Variants in LEF1 observed in about 807,000 individuals in gnomAD.
LEF1 encodes lymphoid enhancer binding factor 1, also known as lymphoid enhancer-binding factor 1.
In LEF1, 14 loss-of-function variants were observed where a neutral mutation model predicts 51.2. The ratio of observed to expected loss-of-function variants is 0.27; its 90% CI spans 0.18 to 0.43. The LOEUF (loss-of-function observed/expected upper bound fraction) is 0.43, where lower values mean the gene tolerates loss of function less well. Ranked by LOEUF, LEF1 falls within the 20% of genes least tolerant of loss-of-function variation. The probability of loss-of-function intolerance (pLI) is 1.00; values close to 1 mark genes in which losing one functional copy is unlikely to be tolerated. For missense variants in LEF1, 386 were observed against 512.0 expected (o/e 0.75, Z 2.37); for synonymous variants, 185 against 183.2 (o/e 1.01, Z -0.08).
intron 3 of LEF1, among the ~76,000 whole-genome samples, chr4:108,139,223 G>A (rs560449749): frequency 3.9e-5 from 6 of 152,274 alleles, no homozygotes; most frequent in Non-Finnish European, 7.4e-5. Flanking sequence ...CCATTTTTCT[G>A]CTCATTAACT....
chr4:108,068,016 C>T lies in LEF1; in HGVS notation c.1116+2647G>A, dbSNP rs1405880793. On this transcript the variant is annotated intron_variant, in intron 9 of 11. Transcript: ENST00000265165. ...GGCGTGGTGGCTCACGCTTATAATC[C>T]TAGCACTTTGAGAGGCTGAGGCAGG... Among the ~76,000 whole-genome samples the T allele has an allele frequency of 2.6e-5, 4 of 152,010 alleles. No individual in the cohort carries two copies. The East Asian group carries it at 7.7e-4, about 29-fold the overall frequency.
intron 3 of LEF1, among the ~76,000 whole-genome samples, chr4:108,117,279 C>A (rs1003749851): frequency 2.0e-5 from 3 of 152,018 alleles, no homozygotes; most frequent in African/African-American, 7.3e-5. Context: ...ATTTTATAAT[C>A]TAATTTACTC....
intron 8 of LEF1, among the ~76,000 whole-genome samples, chr4:108,075,744 G>A (rs1173338536): frequency 1.3e-5 from 2 of 152,142 alleles, no homozygotes; most frequent in African/African-American, 4.8e-5. Flanking sequence ...CAATCTTAGA[G>A]TGTCTATCCT....
chr4:108,134,212 T>C (rs1743095455), intron 3 of LEF1, among the ~76,000 whole-genome samples: 1 of 152,130 alleles, frequency 6.6e-6, no homozygotes, highest in Non-Finnish European at 1.5e-5. Flanking sequence ...ATTCCAAATT[T>C]ACAAATAAAG....
At chr4:108,061,023 C>A in intron 11 of LEF1, among the ~76,000 whole-genome samples, 1 of 152,142 alleles carries the variant, frequency 6.6e-6, no homozygotes, top group East Asian at 1.9e-4. Context: ...GATCTGAGCT[C>A]CTCTCTACTC....
intron 3 of LEF1, among the ~76,000 whole-genome samples, chr4:108,161,929 C>T (rs1468494702): frequency 6.6e-6 from 1 of 152,012 alleles, no homozygotes; most frequent in Non-Finnish European, 1.5e-5. Context: ...AACATATTCT[C>T]CTTCCCTTCT....
chr4:108,058,461 T>G (rs533191089), intron 11 of LEF1, among the ~76,000 whole-genome samples: 2 of 152,176 alleles, frequency 1.3e-5, no homozygotes, highest in Non-Finnish European at 2.9e-5. Context: ...GTTCAGTATT[T>G]GATAATAATC....
At chr4:108,079,455 C>T in intron 7 of LEF1, 37 bp downstream of exon 7, 1 of 1,611,736 alleles carries the variant, frequency 6.2e-7, no homozygotes. Context: ...CCTCAGTATC[C>T]TAAGGCAATC....
At chr4:108,166,046 T>C (rs569320654) in intron 1 of LEF1, among the ~76,000 whole-genome samples, 2 of 152,248 alleles carry the variant, frequency 1.3e-5, no homozygotes, top group Admixed American at 6.5e-5. Flanking sequence ...GCTCTACAAA[T>C]AGGAGAGTTT....
intron 3 of LEF1, among the ~76,000 whole-genome samples, chr4:108,131,037 CAG>C (rs1742853299): frequency 6.6e-6 from 1 of 151,918 alleles, no homozygotes; most frequent in Non-Finnish European, 1.5e-5. Context: ...TTAGGAGTCT[CAG>C]TGTATTTTCC....
intron 11 of LEF1, 89 bp downstream of exon 11, chr4:108,063,534 T>C: frequency 1.0e-6 from 1 of 989,204 alleles, no homozygotes; most frequent in South Asian, 1.4e-5. Flanking sequence ...CAATGTCGAA[T>C]GAACTCATTA....
At chr4:108,166,386 C>A (rs1346980229) in intron 1 of LEF1, 60 of 1,451,226 alleles carry the variant, frequency 4.1e-5, no homozygotes, top group Admixed American at 1.9e-4. Flanking sequence ...TAGAAAGATG[C>A]CATTTAAGGA....
chr4:108,137,713 A>T (rs1324914436), intron 3 of LEF1, among the ~76,000 whole-genome samples: 1 of 152,172 alleles, frequency 6.6e-6, no homozygotes, highest in Admixed American at 6.5e-5. Flanking sequence ...TAAATTTTAG[A>T]TCCTAATTTA....
rs183111537 is a variant in LEF1, at chr4:108,116,565, C to T, written c.415-27308G>A. ...AGAGCCCTCCGAGTCCACTTCTGAACCACACTAGAGTACAGTACACCCCAA... is the reference window on the plus strand; with the variant it reads ...AGAGCCCTCCGAGTCCACTTCTGAATCACACTAGAGTACAGTACACCCCAA... On this transcript the variant is annotated intron_variant, in intron 3 of 11. Coordinates refer to ENST00000265165, the MANE Select transcript of LEF1 (RefSeq NM_016269.5). Among the ~76,000 whole-genome samples, 294 of 152,284 alleles carry T rather than the reference C, an allele frequency of 1.9e-3. 2 individuals carry two copies. The highest frequency in any genetic ancestry group is 6.6e-3 in the African/African-American group (276 of 41,564).
In LEF1 at chr4:108,163,646, G is replaced by T. The variant is rs200684581; in HGVS notation, c.336C>A (p.Ser112=). The change falls in exon 3 of 12, where the codon TCC becomes TCA. Residue 112 remains serine (S), a synonymous_variant. Transcript: ENST00000265165. The part of the protein sequence containing the change: ...YNKGPSYSSY[S]GYIMMPNMNN... ...TCATATTTGGCATCATTATGTACCC[G>T]GAATAACTCGAGTAGGAGGGTCCCT... is the stretch of plus-strand genomic sequence containing the variant. 3.1e-6 allele frequency: 5 copies of T among 1,613,598 alleles called. No individual in the cohort carries two copies. The highest frequency in any genetic ancestry group is 4.2e-6 in the Non-Finnish European group (5 of 1,179,644).
At chr4:108,050,442 C>T (rs1348318847) in intron 11 of LEF1, among the ~76,000 whole-genome samples, 1 of 152,096 alleles carries the variant, frequency 6.6e-6, no homozygotes. Flanking sequence ...CAGTACTTCA[C>T]AGTTCGCTGT....
intron 3 of LEF1, among the ~76,000 whole-genome samples, chr4:108,127,426 C>T (rs1302215270): frequency 6.6e-6 from 1 of 152,174 alleles, no homozygotes; most frequent in African/African-American, 2.4e-5. Context: ...TCTCATGTGA[C>T]TCTCCAGGGA....
At chr4:108,090,687 A>G (rs1739963745) in intron 3 of LEF1, among the ~76,000 whole-genome samples, 1 of 152,174 alleles carries the variant, frequency 6.6e-6, no homozygotes, top group Non-Finnish European at 1.5e-5. Flanking sequence ...CACCTCAAAC[A>G]TTATCTTTCC....
intron 3 of LEF1, among the ~76,000 whole-genome samples, chr4:108,137,971 T>C (rs191095527): frequency 2.0e-5 from 3 of 152,356 alleles, no homozygotes; most frequent in Admixed American, 2.0e-4. Context: ...ATGATTTTGC[T>C]TTCCTAAATT....
Sources: gnomAD v4.1 joint callset for allele counts (sites outside exome capture counted in the v4.1 genomes callset) on GRCh38, gnomAD v4.1.1 for gene constraint, MANE v1.5 for transcripts, NCBI Gene and HGNC (gene_info 2026-07-23, HGNC 2026-07-21) for gene names.